Variants in RIMBP2 observed in about 807,000 individuals in gnomAD.
RIMBP2 encodes the protein RIMS binding protein 2.
A neutral mutation model predicts 118.6 loss-of-function variants in RIMBP2; 48 were observed. The observed-to-expected ratio is 0.40, with a 90% CI of 0.32 to 0.51. The LOEUF (loss-of-function observed/expected upper bound fraction) is 0.51. Ranked by LOEUF, RIMBP2 falls within the 20% of genes least tolerant of loss-of-function variation. The pLI is 0.41. For missense variants in RIMBP2, 1,551 were observed against 1,768.3 expected (o/e 0.88, Z 2.20); for synonymous variants, 762 against 742.9 (o/e 1.03, Z -0.42).
intron 19 of RIMBP2, among the ~76,000 whole-genome samples, chr12:130,410,786 C>T (rs1188686926): frequency 1.3e-5 from 2 of 152,192 alleles, no homozygotes; most frequent in African/African-American, 2.4e-5. Flanking sequence ...TTGCAATTAG[C>T]TTATGTGAAT....
intron 1 of RIMBP2, among the ~76,000 whole-genome samples, chr12:130,715,954 A>G (rs957873059): frequency 2.0e-5 from 3 of 152,256 alleles, no homozygotes; most frequent in Middle Eastern, 3.4e-3. Flanking sequence ...CCCGGCACCC[A>G]GGAAGAAGCC....
At chr12:130,626,439 A>G (rs7965120) in intron 2 of RIMBP2, among the ~76,000 whole-genome samples, 6 of 128,064 alleles carry the variant, frequency 4.7e-5, no homozygotes, top group Non-Finnish European at 9.6e-5. Flanking sequence ...CATGACTACC[A>G]CTGGCATCAC....
chr12:130,468,576 C>A (rs1290432660), intron 6 of RIMBP2, among the ~76,000 whole-genome samples: 3 of 152,268 alleles, frequency 2.0e-5, no homozygotes, highest in East Asian at 3.9e-4. Flanking sequence ...TCCTCCACCC[C>A]AGGGGAATAG....
chr12:130,496,496 C>A (rs1335416931), intron 4 of RIMBP2, among the ~76,000 whole-genome samples: 1 of 152,152 alleles, frequency 6.6e-6, no homozygotes, highest in Non-Finnish European at 1.5e-5. Context: ...CCCTGCTGAG[C>A]AGCTCTGGGG....
At chr12:130,462,200 G>A (rs1051564520) in intron 6 of RIMBP2, among the ~76,000 whole-genome samples, 1 of 152,224 alleles carries the variant, frequency 6.6e-6, no homozygotes, top group Non-Finnish European at 1.5e-5. Context: ...CCGACACACA[G>A]GACGATCCCT....
Position 130,617,421 on chromosome 12 carries a change from A to T in RIMBP2, c.-217+10901T>A, listed in dbSNP as rs184107125. Among the ~76,000 whole-genome samples the T allele has an allele frequency of 1.7e-4, 26 of 152,240 alleles. No homozygotes were observed. The highest frequency in any genetic ancestry group is 6.3e-4 in the African/African-American group (26 of 41,548). Reference sequence around the variant, plus strand: ...CTTCACCAGACTCCATTTTTTTCCTAGCACACATTGCCCTGGGGCACCAGC... The same window carrying T: ...CTTCACCAGACTCCATTTTTTTCCTTGCACACATTGCCCTGGGGCACCAGC... On this transcript the variant is annotated intron_variant, in intron 2 of 22. Coordinates refer to ENST00000690449, the MANE Select transcript of RIMBP2 (RefSeq NM_001393629.1). The surrounding 1 kb of genome is among the most constrained non-coding windows in gnomAD (Gnocchi z 4.6).
At chr12:130,597,082 T>C (rs763530711) in intron 2 of RIMBP2, among the ~76,000 whole-genome samples, 23 of 152,320 alleles carry the variant, frequency 1.5e-4, no homozygotes, top group Middle Eastern at 3.4e-3. Flanking sequence ...CTCTACCCAA[T>C]TCATTCTTTG....
rs779733657 is a variant in RIMBP2 at position 130,436,841 on chromosome 12, C to T, written c.2106+1G>A. 7.0e-7 allele frequency: 1 copy of T among 1,432,484 alleles called. No homozygotes were observed. The highest frequency in any genetic ancestry group is 9.1e-7 in the Non-Finnish European group (1 of 1,093,340). 88.7% of individuals were successfully genotyped at this position (1,432,484 alleles called of 1,614,324 possible). On this transcript the variant is annotated splice_donor_variant, in intron 13 of 22. Coordinates refer to ENST00000690449, the MANE Select transcript of RIMBP2 (RefSeq NM_001393629.1). LOFTEE classifies it high-confidence loss of function. ...CACCGAGGCGGGAGCCCCAGCCTTA[C>T]CCTGCTGCTCTCGGCCACCCTCTGC...
chr12:130,671,693 G>A (rs1437265471), intron 1 of RIMBP2, among the ~76,000 whole-genome samples: 1 of 152,096 alleles, frequency 6.6e-6, no homozygotes, highest in Non-Finnish European at 1.5e-5. Context: ...ACCAACCAGA[G>A]GCCAGCAGCA....
chr12:130,677,702 T>G (rs1423959659), intron 1 of RIMBP2, among the ~76,000 whole-genome samples: 2 of 152,038 alleles, frequency 1.3e-5, no homozygotes, highest in Non-Finnish European at 2.9e-5. Flanking sequence ...CAGTCTGGGG[T>G]GGGGTCAAGC....
intron 1 of RIMBP2, among the ~76,000 whole-genome samples, chr12:130,704,749 C>T (rs1012639556): frequency 2.6e-5 from 4 of 152,144 alleles, no homozygotes; most frequent in Non-Finnish European, 5.9e-5. Context: ...TTTCCCAAAG[C>T]GTAGACTGCC....
At chr12:130,557,027 C>T (rs1316656965) in intron 2 of RIMBP2, among the ~76,000 whole-genome samples, 3 of 152,046 alleles carry the variant, frequency 2.0e-5, no homozygotes, top group Non-Finnish European at 4.4e-5. Flanking sequence ...CAGAATGTGC[C>T]CTTGTTTGAA....
At chr12:130,412,543 CCG>C in intron 19 of RIMBP2, 74 bp downstream of exon 19, 1 of 1,369,462 alleles carries the variant, frequency 7.3e-7, no homozygotes, top group Admixed American at 1.9e-5. Flanking sequence ...CTCCTCATCA[CCG>C]CCTGCCTCTC....
chr12:130,491,670 A>G (rs12422742), intron 4 of RIMBP2, among the ~76,000 whole-genome samples: 10,573 of 151,860 alleles, frequency 0.07, 607 homozygotes, highest in East Asian at 0.19. Context: ...GAGTCTGAAA[A>G]CCTCGGGTTT....
Position 130,437,168 on chromosome 12 carries a change from C to A in RIMBP2, c.1780G>T (p.Ala594Ser). Residue 594 changes from alanine (A) to serine (S), a missense_variant, in exon 13 of 23, where the codon GCA (alanine) becomes TCA (serine). Coordinates refer to ENST00000690449, the MANE Select transcript of RIMBP2 (RefSeq NM_001393629.1). Reference sequence around the variant, plus strand: ...AGCTCGGGGGGAACGGCAGCAACTGCAGAGTCCACGGACTCGCCCTGGGCG... The same window carrying A: ...AGCTCGGGGGGAACGGCAGCAACTGAAGAGTCCACGGACTCGCCCTGGGCG... ...LSAQGESVDSAVAAVPPELLV... is the reference protein window; with the variant it reads ...LSAQGESVDSSVAAVPPELLV... The A allele has an allele frequency of 1.9e-6, 3 of 1,589,192 alleles. No homozygotes were observed. Among genetic ancestry groups the A allele is most frequent in the Non-Finnish European group, 1.7e-6 (2 of 1,168,926 alleles).
intron 21 of RIMBP2, among the ~76,000 whole-genome samples, 160 bp from the exon 22 acceptor site, chr12:130,399,973 T>A (rs2074375071): frequency 6.6e-6 from 1 of 152,214 alleles, no homozygotes; most frequent in Admixed American, 6.5e-5. Context: ...GGTTTCCAAA[T>A]TTTCCTCAGC....
intron 12 of RIMBP2, 31 bp downstream of exon 12, chr12:130,438,334 A>ATGCCCCCCC: frequency 2.6e-5 from 35 of 1,344,478 alleles, no homozygotes; most frequent in Non-Finnish European, 3.6e-5. Flanking sequence ...GGGCCTAACA[A>ATGCCCCCCC]ACCCTCCCCA....
chr12:130,482,181 T>A (rs542046067), intron 4 of RIMBP2, among the ~76,000 whole-genome samples: 1 of 152,206 alleles, frequency 6.6e-6, no homozygotes, highest in South Asian at 2.1e-4. Flanking sequence ...GTCCCAGAGG[T>A]CCTCAGGACG....
At chr12:130,493,379 A>G (rs1212853351) in intron 4 of RIMBP2, among the ~76,000 whole-genome samples, 1 of 151,858 alleles carries the variant, frequency 6.6e-6, no homozygotes, top group Non-Finnish European at 1.5e-5. Context: ...CAATGGCGTG[A>G]TCTCGGCTCA....
Sources: allele counts gnomAD v4.1 joint callset (sites outside exome capture counted in the v4.1 genomes callset), GRCh38; gene constraint gnomAD v4.1.1; non-coding constraint Gnocchi (gnomAD v3.1); transcripts MANE v1.5; gene names NCBI Gene and HGNC (gene_info 2026-07-23, HGNC 2026-07-21).